Variants in NGLY1 observed in about 807,000 individuals in gnomAD.
NGLY1 encodes peptide-N(4)-(N-acetyl-beta-glucosaminyl)asparagine amidase.
In NGLY1, 68 loss-of-function variants were observed where a neutral mutation model predicts 84.6. That is an observed-to-expected ratio of 0.80 (90% CI 0.66 to 0.98). The LOEUF (loss-of-function observed/expected upper bound fraction) is 0.98, where lower values mean the gene tolerates loss of function less well. Ranked by LOEUF, NGLY1 falls within the 50% of genes least tolerant of loss-of-function variation. The probability of loss-of-function intolerance (pLI) is 0.00; values close to 1 mark genes in which losing one functional copy is unlikely to be tolerated. For synonymous variants in NGLY1, 280 were observed against 275.2 expected (o/e 1.02, Z -0.17); for missense variants, 779 against 770.2 (o/e 1.01, Z -0.14).
chr3:25,783,948 G>A (rs1439670734), upstream of NGLY1: 1 of 152,204 alleles, frequency 6.6e-6, no homozygotes, highest in Non-Finnish European at 1.5e-5. This position sits in a 1 kb window ranked among gnomAD's most constrained non-coding sequence, Gnocchi z 4.5. Context: ...TCAGAAACCC[G>A]GATCCCTTTG....
At chr3:25,746,856 G>C (rs1467288041) in intron 4 of NGLY1, among the ~76,000 whole-genome samples, 1 of 152,150 alleles carries the variant, frequency 6.6e-6, no homozygotes, top group South Asian at 2.1e-4. Context: ...TTGAGACGGA[G>C]TTTCGCTCTT....
intron 10 of NGLY1, among the ~76,000 whole-genome samples, chr3:25,725,818 G>T (rs924238873): frequency 1.3e-5 from 2 of 151,866 alleles, no homozygotes; most frequent in East Asian, 1.9e-4. Flanking sequence ...TTTTCACTCA[G>T]ATTCAGGGTG....
intron 9 of NGLY1, among the ~76,000 whole-genome samples, chr3:25,731,898 T>C (rs1019174670): frequency 6.6e-6 from 1 of 152,126 alleles, no homozygotes; most frequent in African/African-American, 2.4e-5. Flanking sequence ...AGAATAATGA[T>C]TACTTTCGAG....
At chr3:25,758,715 T>C (rs1444715175) in intron 3 of NGLY1, among the ~76,000 whole-genome samples, 2 of 152,188 alleles carry the variant, frequency 1.3e-5, no homozygotes, top group African/African-American at 4.8e-5. Flanking sequence ...CAAAAATATA[T>C]TGACAATATG....
Position 25,719,210 on chromosome 3 carries a change from G to T in NGLY1, c.*250C>A, listed in dbSNP as rs1704854086. ...TTTTAAAACCATACTTACAGTTTTA[G>T]ATTAAAATCCCATATTGAGTCAACA... On this transcript the variant is annotated 3_prime_UTR_variant, in exon 12 of 12. Transcript: ENST00000280700. 3.2e-6 allele frequency: 1 copy of T among 313,564 alleles called. No individual in the cohort carries two copies. The highest frequency in any genetic ancestry group is 2.1e-5 in the African/African-American group (1 of 47,082). The allele number at this position is 313,564 out of a possible 1,614,324, so 19.4% of individuals were successfully genotyped here.
chr3:25,733,797 T>C (rs1352544632), intron 8 of NGLY1, 75 bp downstream of exon 8: 8 of 823,500 alleles, frequency 9.7e-6, no homozygotes, highest in South Asian at 4.5e-5. Context: ...AGAATTTCAA[T>C]AGGCTAATAA....
chr3:25,755,396 A>G (rs1403504638), intron 3 of NGLY1: 1 of 1,402,798 alleles, frequency 7.1e-7, no homozygotes, highest in Non-Finnish European at 1.0e-6. Flanking sequence ...TACCACTCCT[A>G]CTATAGTGAC....
intron 2 of NGLY1, among the ~76,000 whole-genome samples, chr3:25,770,037 T>G (rs538648724): frequency 3.4e-4 from 51 of 152,040 alleles, no homozygotes; most frequent in African/African-American, 1.2e-3. Context: ...ACATATAATG[T>G]TTGGTTTTCC....
chr3:25,789,138 T>C (rs922637329), intron 1 of NGLY1, among the ~76,000 whole-genome samples: 2 of 152,264 alleles, frequency 1.3e-5, no homozygotes, highest in Non-Finnish European at 2.9e-5. Flanking sequence ...TGTCGACTTC[T>C]TGCTTTTTTA....
At chr3:25,787,098 G>T (rs528078844), upstream of NGLY1, among the ~76,000 whole-genome samples, 3 of 152,260 alleles carry the variant, frequency 2.0e-5, no homozygotes, top group South Asian at 6.2e-4. Context: ...CAATCTGTGT[G>T]GTAACAAGCC....
intron 2 of NGLY1, among the ~76,000 whole-genome samples, chr3:25,769,157 G>A (rs1470350924): frequency 4.6e-5 from 7 of 151,854 alleles, no homozygotes; most frequent in East Asian, 2.0e-4. Flanking sequence ...TCAGGAGTTC[G>A]AGACCAGTCT....
At chr3:25,753,174 T>C (rs566971174) in intron 3 of NGLY1, among the ~76,000 whole-genome samples, 118 of 152,286 alleles carry the variant, frequency 7.7e-4, no homozygotes, top group African/African-American at 2.7e-3. Flanking sequence ...CCTAAGAGTC[T>C]TCAAGTAAGA....
At chr3:25,760,858 C>A in intron 3 of NGLY1, among the ~76,000 whole-genome samples, 1 of 107,684 alleles carries the variant, frequency 9.3e-6, no homozygotes, top group Non-Finnish European at 1.8e-5. Context: ...GAAACTCTGT[C>A]TCAAAAAAAA....
intron 7 of NGLY1, chr3:25,734,947 T>G (rs1705739479): frequency 4.7e-6 from 3 of 632,340 alleles, no homozygotes; most frequent in Admixed American, 1.3e-4. Flanking sequence ...GAACTGATTT[T>G]TGATACAAGT....
intron 1 of NGLY1, among the ~76,000 whole-genome samples, 197 bp from the exon 2 acceptor site, chr3:25,778,885 T>C (rs35701754): frequency 0.096 from 6,243 of 65,332 alleles, 240 homozygotes; most frequent in African/African-American, 0.13. Flanking sequence ...ATTTTTTTTT[T>C]TTGAGATGGG....
chr3:25,734,026 C>T, intron 7 of NGLY1, 44 bp from the exon 8 acceptor site: 6 of 1,600,888 alleles, frequency 3.7e-6, no homozygotes, highest in Non-Finnish European at 5.1e-6. Flanking sequence ...AGATTACAAC[C>T]ATCAACCTTT....
chr3:25,787,080 G>A (rs951856193), upstream of NGLY1, among the ~76,000 whole-genome samples: 4 of 152,182 alleles, frequency 2.6e-5, no homozygotes, highest in African/African-American at 9.7e-5. Context: ...TTTAAAGGTG[G>A]GACCCAGCAA....
chr3:25,723,532 TA>T (rs1306413136), intron 10 of NGLY1, among the ~76,000 whole-genome samples: 1 of 151,604 alleles, frequency 6.6e-6, no homozygotes, highest in Non-Finnish European at 1.5e-5. Context: ...TTTAGTAAAT[TA>T]AAATGTACCA....
intron 1 of NGLY1, chr3:25,789,685 C>A: frequency 1.3e-6 from 1 of 772,044 alleles, no homozygotes; most frequent in Admixed American, 2.7e-5. Flanking sequence ...CCACTTTACT[C>A]ACAATTACTA....
Sources: gnomAD v4.1 joint callset for allele counts (sites outside exome capture counted in the v4.1 genomes callset) on GRCh38, gnomAD v4.1.1 for gene constraint, Gnocchi (gnomAD v3.1) non-coding constraint, MANE v1.5 for transcripts, NCBI Gene and HGNC (gene_info 2026-07-23, HGNC 2026-07-21) for gene names.